Variants in SEC11A observed in about 807,000 individuals in gnomAD.
The protein encoded by SEC11A is signal peptidase complex catalytic subunit SEC11A.
SEC11A carries 14 observed loss-of-function variants against 25.6 expected under a neutral mutation model. The observed-to-expected ratio is 0.55, with a 90% confidence interval of 0.36 to 0.85. SEC11A has a LOEUF of 0.85. Among genes scored for constraint, SEC11A ranks in the 40% least tolerant of loss-of-function variants. SEC11A has a pLI of 0.01. For synonymous variants in SEC11A, 83 were observed against 76.4 expected, an observed-to-expected ratio of 1.09 and a Z score of -0.45; for missense variants, 153 against 222.9, an observed-to-expected ratio of 0.69 and a Z score of 2.00.
intron 4 of SEC11A, among the ~76,000 whole-genome samples, chr15:84,679,025 T>A (rs1897215775): frequency 6.6e-6 from 1 of 151,496 alleles, no homozygotes; most frequent in Non-Finnish European, 1.5e-5. Context: ...AAGTACTCAT[T>A]AATATTTTTA....
Position 84,670,711 on chromosome 15 carries a change from A to G in SEC11A, c.489+14T>C. On this transcript the variant is annotated intron_variant, in intron 5 of 5. Coordinates refer to ENST00000268220, the MANE Select transcript of SEC11A (RefSeq NM_014300.4). The stretch of plus-strand genomic sequence containing the variant: ...ATTACATTTTTTAATAAAACAAATA[A>G]TACAGACTCTTACCTTAAATTTAGG... 1 of 1,289,882 alleles carries G rather than the reference A, an allele frequency of 7.8e-7. No homozygotes were observed. The highest frequency in any genetic ancestry group is 1.1e-6 in the Non-Finnish European group (1 of 917,402). 79.9% of individuals were successfully genotyped at this position (1,289,882 alleles called of 1,614,324 possible).
At chr15:84,713,130 C>T (rs1898337843) in intron 1 of SEC11A, among the ~76,000 whole-genome samples, 1 of 149,428 alleles carries the variant, frequency 6.7e-6, no homozygotes, top group South Asian at 2.1e-4. Flanking sequence ...GGAGGTGGAG[C>T]TTGCAGTGAG....
intron 3 of SEC11A, chr15:84,686,426 CAAG>C (rs139905699): frequency 0.021 from 3,173 of 152,274 alleles, 59 homozygotes; most frequent in Middle Eastern, 0.044. Context: ...GCCTAGCCAA[CAAG>C]GTGAAACCCT....
chr15:84,684,221 T>C (rs1472227343), intron 3 of SEC11A, among the ~76,000 whole-genome samples: 1 of 152,216 alleles, frequency 6.6e-6, no homozygotes, highest in Non-Finnish European at 1.5e-5. Context: ...CTGTGGTCCC[T>C]ACCCAAATCT....
At chr15:84,703,808 C>T (rs1034966304) in intron 1 of SEC11A, among the ~76,000 whole-genome samples, 1 of 152,150 alleles carries the variant, frequency 6.6e-6, no homozygotes, top group Non-Finnish European at 1.5e-5. Context: ...ACTCCAAATA[C>T]GTATATAGAA....
At chr15:84,709,315 C>G (rs919981965) in intron 1 of SEC11A, among the ~76,000 whole-genome samples, 1 of 151,650 alleles carries the variant, frequency 6.6e-6, no homozygotes, top group East Asian at 1.9e-4. Flanking sequence ...TACAGGTGCA[C>G]CACCGCACCT....
chr15:84,682,571 C>T (rs1897308659), intron 3 of SEC11A, among the ~76,000 whole-genome samples: 1 of 152,058 alleles, frequency 6.6e-6, no homozygotes, highest in South Asian at 2.1e-4. Context: ...GCCTCAGCCT[C>T]CCAAGTAGCT....
At chr15:84,703,068 C>T (rs1476414714) in intron 1 of SEC11A, among the ~76,000 whole-genome samples, 1 of 152,148 alleles carries the variant, frequency 6.6e-6, no homozygotes, top group African/African-American at 2.4e-5. Flanking sequence ...ATGGAGCCAT[C>T]AGCAGTCCTT....
At chr15:84,699,407 C>T (rs762943007) in intron 1 of SEC11A, among the ~76,000 whole-genome samples, 4 of 151,792 alleles carry the variant, frequency 2.6e-5, no homozygotes, top group Non-Finnish European at 5.9e-5. Flanking sequence ...TACCTTCCTG[C>T]CTGAAATAAC....
chr15:84,698,600 T>C (rs1207115493), intron 1 of SEC11A, among the ~76,000 whole-genome samples: 1 of 152,248 alleles, frequency 6.6e-6, no homozygotes, highest in South Asian at 2.1e-4. Flanking sequence ...GATAATTTTT[T>C]AAATTCCTAA....
chr15:84,688,785 C>G (rs1036250631), intron 2 of SEC11A, among the ~76,000 whole-genome samples: 5 of 152,210 alleles, frequency 3.3e-5, no homozygotes, highest in Non-Finnish European at 7.3e-5. Context: ...AATTCCAGCA[C>G]TTCGGGAGGC....
chr15:84,672,707 GTC>G (rs1156594795), intron 4 of SEC11A: 1 of 184,500 alleles, frequency 5.4e-6, no homozygotes, highest in African/African-American at 2.4e-5. Context: ...AGTGAGGAGC[GTC>G]TCTGCCTGGC....
At chr15:84,713,181 G>A (rs1414735040) in intron 1 of SEC11A, among the ~76,000 whole-genome samples, 3 of 144,164 alleles carry the variant, frequency 2.1e-5, no homozygotes, top group African/African-American at 5.2e-5. Flanking sequence ...GCAACAGAGT[G>A]AGACTCCGTC....
intron 1 of SEC11A, among the ~76,000 whole-genome samples, chr15:84,696,026 G>A (rs986876166): frequency 1.5e-4 from 23 of 152,156 alleles, no homozygotes; most frequent in Admixed American, 6.5e-4. Flanking sequence ...GAAGCACGGT[G>A]TACTCAATCA....
intron 1 of SEC11A, among the ~76,000 whole-genome samples, chr15:84,703,125 T>C (rs1359397155): frequency 2.0e-5 from 3 of 152,188 alleles, no homozygotes; most frequent in African/African-American, 7.2e-5. Flanking sequence ...GACAAAGCTA[T>C]ACTGTCCTTT....
At chr15:84,711,888 C>G (rs1476255123) in intron 1 of SEC11A, among the ~76,000 whole-genome samples, 2 of 151,316 alleles carry the variant, frequency 1.3e-5, no homozygotes, top group Admixed American at 1.3e-4. Context: ...ACCTAATATT[C>G]TAGGGTGGTA....
In SEC11A at chr15:84,707,789, T is replaced by A. The variant is rs572927871; in HGVS notation, c.51+8236A>T. On this transcript the variant is annotated intron_variant, in intron 1 of 5. Coordinates refer to ENST00000268220, the MANE Select transcript of SEC11A (RefSeq NM_014300.4). ...CTTTACGTCATTTGTGGAGAGAATG[T>A]TATAAAAAAAATAACAGATGTAAAA... Among the ~76,000 whole-genome samples the A allele has an allele frequency of 4.6e-5, 7 of 152,204 alleles. No individual in the cohort carries two copies. The South Asian group carries it at 1.5e-3, about 32-fold the overall frequency.
intron 4 of SEC11A, among the ~76,000 whole-genome samples, chr15:84,680,390 G>C (rs751245405): frequency 7.2e-5 from 11 of 152,086 alleles, no homozygotes; most frequent in East Asian, 5.8e-4. Context: ...TAGTGTGGAC[G>C]TAAGAGCACA....
At chr15:84,701,064 C>A (rs888473931) in intron 1 of SEC11A, among the ~76,000 whole-genome samples, 2 of 145,146 alleles carry the variant, frequency 1.4e-5, no homozygotes, top group African/African-American at 5.1e-5. Flanking sequence ...AAATAAACAG[C>A]AGACAGGTGA....
Sources: allele counts gnomAD v4.1 joint callset (sites outside exome capture counted in the v4.1 genomes callset), GRCh38; gene constraint gnomAD v4.1.1; transcripts MANE v1.5; gene names NCBI Gene and HGNC (gene_info 2026-07-23, HGNC 2026-07-21).